PDE7A: variants seen among roughly 807,000 people sequenced by gnomAD.
PDE7A encodes high affinity 3',5'-cyclic-AMP phosphodiesterase 7A.
PDE7A carries 39 observed loss-of-function variants against 64.3 expected under a neutral mutation model. The observed-to-expected ratio is 0.61, with a 90% CI of 0.47 to 0.79. The LOEUF is 0.79. PDE7A is among the 30% of genes least tolerant of loss of function. The pLI is 0.00. For missense variants in PDE7A, 470 were observed against 582.8 expected, an observed-to-expected ratio of 0.81 and a Z score of 1.99; for synonymous variants, 203 against 206.8, an observed-to-expected ratio of 0.98 and a Z score of 0.16.
chr8:65,810,486 TAA>T (rs1296638980), intron 1 of PDE7A, among the ~76,000 whole-genome samples: 1 of 152,124 alleles, frequency 6.6e-6, no homozygotes, highest in East Asian at 1.9e-4. Flanking sequence ...CCCTAGAACT[TAA>T]AGTGTAATAA....
chr8:65,828,707 A>G (rs1268672783), intron 1 of PDE7A, among the ~76,000 whole-genome samples: 8 of 152,258 alleles, frequency 5.3e-5, no homozygotes, highest in African/African-American at 1.9e-4. Flanking sequence ...CTCCAACTCC[A>G]CATATAAGAT....
chr8:65,812,478 AAG>A (rs1254042980), intron 1 of PDE7A, among the ~76,000 whole-genome samples: 2 of 152,198 alleles, frequency 1.3e-5, no homozygotes, highest in African/African-American at 4.8e-5. Flanking sequence ...AGAACTGTAT[AAG>A]AACACAACAA....
chr8:65,779,601 A>C (rs1462177732), intron 3 of PDE7A, 119 bp downstream of exon 3: 5 of 574,534 alleles, frequency 8.7e-6, no homozygotes, highest in Non-Finnish European at 1.5e-5. Context: ...CTAGGTTTTA[A>C]AAACATTCCA....
In PDE7A at chr8:65,804,540, CTTTTTT is replaced by C. The variant is rs762379703; in HGVS notation, c.139-21703_139-21698del. On this transcript the variant is annotated intron_variant, in intron 1 of 12. Coordinates refer to ENST00000401827, the MANE Select transcript of PDE7A (RefSeq NM_001242318.3). Reference sequence around the variant, plus strand: ...GAAAGCTGAAAGTTTCATTTTGTTGCTTTTTTTTTTTTTTTTTTTGAAGACAGTGTT... The same window carrying C: ...GAAAGCTGAAAGTTTCATTTTGTTGCTTTTTTTTTTTTTGAAGACAGTGTT... 3.0e-3 allele frequency among the ~76,000 whole-genome samples: 337 copies of C among 113,032 alleles called. 1 individual carries two copies. Among genetic ancestry groups the C allele is most frequent in the African/African-American group, 0.01 (325 of 32,380 alleles). 74.2% of individuals were successfully genotyped at this position (113,032 alleles called of 152,430 possible).
Position 65,726,970 on chromosome 8 carries a change from C to G in PDE7A, c.829-4G>C. On this transcript the variant is annotated splice_region_variant and splice_polypyrimidine_tract_variant and intron_variant, in intron 8 of 12. Coordinates refer to ENST00000401827, the MANE Select transcript of PDE7A (RefSeq NM_001242318.3). The stretch of plus-strand genomic sequence containing the variant: ...GATTTTCCAGTACTGAGGTATTCTA[C>G]AACAAAGGACGTTTCTGAGTTACTT... 6.5e-7 allele frequency: 1 copy of G among 1,530,332 alleles called. No individual in the cohort carries two copies. The highest frequency in any genetic ancestry group is 9.0e-7 in the Non-Finnish European group (1 of 1,105,462). The allele number at this position is 1,530,332 out of a possible 1,614,324, so 94.8% of individuals were successfully genotyped here.
chr8:65,818,350 TTTTG>T (rs750756540), intron 1 of PDE7A, among the ~76,000 whole-genome samples: 2 of 152,172 alleles, frequency 1.3e-5, no homozygotes, highest in South Asian at 2.1e-4. Context: ...AGTGTTGCCA[TTTTG>T]TTTTTTTGTT....
intron 1 of PDE7A, among the ~76,000 whole-genome samples, chr8:65,786,219 C>T (rs1809555088): frequency 1.3e-5 from 2 of 152,094 alleles, no homozygotes; most frequent in Admixed American, 6.5e-5. Context: ...TTAAGTAAGG[C>T]TAGTCTACAA....
At chr8:65,793,281 T>C (rs1272372630) in intron 1 of PDE7A, among the ~76,000 whole-genome samples, 1 of 152,188 alleles carries the variant, frequency 6.6e-6, no homozygotes, top group African/African-American at 2.4e-5. Context: ...ACAGTTTATT[T>C]ACTGGCATGT....
intron 3 of PDE7A, among the ~76,000 whole-genome samples, chr8:65,756,049 G>GT (rs1303286709): frequency 1.3e-5 from 2 of 152,332 alleles, no homozygotes; most frequent in African/African-American, 4.8e-5. Flanking sequence ...GTGGTTGACA[G>GT]TTTTTTGTTT....
intron 1 of PDE7A, among the ~76,000 whole-genome samples, chr8:65,831,937 C>G (rs927028858): frequency 6.6e-6 from 1 of 152,166 alleles, no homozygotes; most frequent in Non-Finnish European, 1.5e-5. Context: ...TTAAAAATAA[C>G]TTATAATTTC....
intron 2 of PDE7A, among the ~76,000 whole-genome samples, chr8:65,781,203 G>A (rs1240060975): frequency 1.3e-5 from 2 of 152,154 alleles, no homozygotes; most frequent in Non-Finnish European, 2.9e-5. Context: ...ATCTGGGCAG[G>A]GACCTACAGG....
At chr8:65,781,819 C>A (rs760301053) in intron 2 of PDE7A, among the ~76,000 whole-genome samples, 1 of 152,104 alleles carries the variant, frequency 6.6e-6, no homozygotes, top group Non-Finnish European at 1.5e-5. Flanking sequence ...AAAGCTCTGT[C>A]TTAAGGACAG....
At chr8:65,729,364 CTTTTTT>C (rs10540107) in intron 7 of PDE7A, among the ~76,000 whole-genome samples, 36 of 80,078 alleles carry the variant, frequency 4.5e-4, no homozygotes, top group Non-Finnish European at 6.0e-4. Context: ...TTGGTGGTAG[CTTTTTT>C]TTTTTTTTTT....
chr8:65,782,887 G>T (rs1257607899), intron 1 of PDE7A, 44 bp from the exon 2 acceptor site: 2 of 1,123,120 alleles, frequency 1.8e-6, no homozygotes, highest in Non-Finnish European at 1.3e-6. Flanking sequence ...AATTAAATAT[G>T]ATACAAAATT....
intron 3 of PDE7A, among the ~76,000 whole-genome samples, chr8:65,748,490 C>T (rs1023439024): frequency 1.3e-5 from 2 of 152,092 alleles, no homozygotes; most frequent in African/African-American, 4.8e-5. Flanking sequence ...TAGAATAAAC[C>T]AGAGTTCCCT....
At chr8:65,831,989 T>C (rs1482435001) in intron 1 of PDE7A, among the ~76,000 whole-genome samples, 1 of 152,234 alleles carries the variant, frequency 6.6e-6, no homozygotes, top group Non-Finnish European at 1.5e-5. Flanking sequence ...GGGATACATC[T>C]AGCTTTCTCT....
chr8:65,807,778 G>A (rs1380993594), intron 1 of PDE7A, among the ~76,000 whole-genome samples: 1 of 152,134 alleles, frequency 6.6e-6, no homozygotes, highest in Non-Finnish European at 1.5e-5. Context: ...GCATCTACTG[G>A]GATGAGCACA....
In PDE7A at chr8:65,798,206, A is replaced by ATATTTT; in HGVS notation, c.139-15364_139-15363insAAAATA. ...TATATATATATATATATATATATAT[A>ATATTTT]TTTTTTTTTTTTTGAGATGGAGTCT... On this transcript the variant is annotated intron_variant, in intron 1 of 12. Transcript: ENST00000401827. Among the ~76,000 whole-genome samples the ATATTTT allele has an allele frequency of 3.4e-3, 249 of 73,804 alleles. 2 individuals carry two copies. The highest frequency in any genetic ancestry group is 0.014 in the African/African-American group (235 of 17,150). The allele number at this position is 73,804 out of a possible 152,430, so 48.4% of individuals were successfully genotyped here.
intron 1 of PDE7A, among the ~76,000 whole-genome samples, chr8:65,836,235 A>G (rs1224414974): frequency 6.6e-6 from 1 of 152,214 alleles, no homozygotes; most frequent in Non-Finnish European, 1.5e-5. Context: ...AATAATGCAC[A>G]TTTATATACT....
Sources: gnomAD v4.1 joint callset for allele counts (sites outside exome capture counted in the v4.1 genomes callset) on GRCh38, gnomAD v4.1.1 for gene constraint, MANE v1.5 for transcripts, NCBI Gene and HGNC (gene_info 2026-07-23, HGNC 2026-07-21) for gene names.